SPRYD3: variants seen among roughly 807,000 people sequenced by gnomAD.
SPRYD3 encodes SPRY domain containing 3.
A neutral mutation model predicts 50.1 loss-of-function variants in SPRYD3; 17 were observed. The ratio of observed to expected loss-of-function variants is 0.34; its 90% CI spans 0.23 to 0.51. The LOEUF (loss-of-function observed/expected upper bound fraction) is 0.51. SPRYD3 is among the 20% of genes least tolerant of loss of function. The pLI, the probability that SPRYD3 is intolerant of heterozygous loss-of-function variation, is 0.97. For missense variants in SPRYD3, 401 were observed against 591.2 expected (o/e 0.68, Z 3.34); for synonymous variants, 198 against 215.5 (o/e 0.92, Z 0.71).
rs1321302826 is a variant in SPRYD3 at position 53,068,152 on chromosome 12, C to T, written c.843+3G>A. On this transcript the variant is annotated splice_donor_region_variant and intron_variant, in intron 7 of 10. Coordinates refer to ENST00000301463, the MANE Select transcript of SPRYD3 (RefSeq NM_032840.3). ...AGCAAAAAAGCTCAGCCTTTGTGCC[C>T]ACCTTCCGTGCCAGCCCCAGGGCGA... The T allele has an allele frequency of 6.2e-7, 1 of 1,614,208 alleles. No homozygotes were observed. The highest frequency in any genetic ancestry group is 1.1e-5 in the South Asian group (1 of 91,088).
Position 53,068,426 on chromosome 12 carries a change from A to G in SPRYD3, c.694-122T>C, listed in dbSNP as rs1944525849. ...GACAAAAACTCCTGGCTGAAAGGGAAAGAATCCTAGAGATACAATGTGGCC... is the reference window on the plus strand; with the variant it reads ...GACAAAAACTCCTGGCTGAAAGGGAGAGAATCCTAGAGATACAATGTGGCC... On this transcript the variant is annotated intron_variant, in intron 6 of 10. Coordinates refer to ENST00000301463, the MANE Select transcript of SPRYD3 (RefSeq NM_032840.3). 9.1e-6 allele frequency: 11 copies of G among 1,204,450 alleles called. No individual in the cohort carries two copies. The South Asian group carries it at 1.5e-4, about 17-fold the overall frequency. 74.6% of individuals were successfully genotyped at this position (1,204,450 alleles called of 1,614,324 possible). A position where few individuals can be genotyped will look rare whatever the true frequency, so the allele number is the denominator to read the frequency against.
chr12:53,074,625 A>T lies in SPRYD3; in HGVS notation c.507+24T>A, dbSNP rs1268148409. Reference sequence around the variant, plus strand: ...CCTTGGGCAGATTTCAGCCACGTAAATCCCACCACTATTTCCCACTCACCC... The same window carrying T: ...CCTTGGGCAGATTTCAGCCACGTAATTCCCACCACTATTTCCCACTCACCC... On this transcript the variant is annotated intron_variant, in intron 5 of 10. Coordinates refer to ENST00000301463, the MANE Select transcript of SPRYD3 (RefSeq NM_032840.3). This position sits in a 1 kb window ranked among gnomAD's most constrained non-coding sequence, Gnocchi z 4.6. 3.1e-6 allele frequency: 5 copies of T among 1,614,196 alleles called. No individual in the cohort carries two copies. In the East Asian group the frequency reaches 1.1e-4, roughly 36 times the overall value.
In SPRYD3 at chr12:53,074,737, T is replaced by C. The variant is rs1437085156; in HGVS notation, c.419A>G (p.Asn140Ser). The C allele has an allele frequency of 1.2e-6, 2 of 1,614,180 alleles. No individual in the cohort carries two copies. The highest frequency in any genetic ancestry group is 3.3e-5 in the Admixed American group (2 of 60,020). Residue 140 changes from asparagine to serine, a missense_variant, in exon 5 of 11, where the codon AAC becomes AGC. Transcript: ENST00000301463. The surrounding 1 kb of genome is among the most constrained non-coding windows in gnomAD (Gnocchi z 4.6). Reference protein sequence around the residue: ...AKGRQFGSKCNSGDRIGCGIE... With the variant: ...AKGRQFGSKCSSGDRIGCGIE... ...GCCACAGCCAATCCGGTCCCCGGAG[T>C]TGCACTTTGACCCAAACTGGCGGCC...
In SPRYD3 at chr12:53,076,135, C is replaced by T. The variant is rs536297378; in HGVS notation, c.171-324G>A. ...TGTGTAACCTCAATCTCTCATGCTG[C>T]AGCTTCAGCCCTTTTCCTCTGGCTC... On this transcript the variant is annotated intron_variant, in intron 2 of 10. Transcript: ENST00000301463. Among the ~76,000 whole-genome samples, 31 of 152,366 alleles carry T rather than the reference C, an allele frequency of 2.0e-4. No homozygotes were observed. The South Asian group carries it at 2.5e-3, about 12-fold the overall frequency.
chr12:53,075,830 G>A lies in SPRYD3; in HGVS notation c.171-19C>T, dbSNP rs748437217. The A allele has an allele frequency of 1.1e-5, 17 of 1,608,720 alleles. No individual in the cohort carries two copies. In the South Asian group the frequency reaches 1.8e-4, roughly 17 times the overall value. On this transcript the variant is annotated intron_variant, in intron 2 of 10. Transcript: ENST00000301463. ...ATGATAACTGAAGGAGGAATGAGGG[G>A]GGAATTCCATTAGCAGCCTAGCCCA...
In SPRYD3 at chr12:53,079,317, C is replaced by T; in HGVS notation, c.17G>A (p.Arg6Gln). Residue 6 changes from arginine (R) to glutamine (Q), a missense_variant, in exon 1 of 11, where the codon CGG (arginine) becomes CAG (glutamine). Coordinates refer to ENST00000301463, the MANE Select transcript of SPRYD3 (RefSeq NM_032840.3). Reference protein sequence around the residue: MRRTRRPRFVLMNKMD... With the variant: MRRTRQPRFVLMNKMD... The stretch of plus-strand genomic sequence containing the variant: ...GCCCCCGATCCCCGCCTACCGGGGC[C>T]GCCGCGTCCTCCTCATCCATAGGCC... 6.2e-7 allele frequency: 1 copy of T among 1,608,320 alleles called. No individual in the cohort carries two copies. Among genetic ancestry groups the T allele is most frequent in the African/African-American group, 1.3e-5 (1 of 74,788 alleles).
In SPRYD3 at chr12:53,066,086, C is replaced by T. The variant is rs567886831; in HGVS notation, c.1195-120G>A. 6.9e-5 allele frequency: 98 copies of T among 1,418,366 alleles called. No homozygotes were observed. The African/African-American group carries it at 1.3e-3, about 19-fold the overall frequency. The allele number at this position is 1,418,366 out of a possible 1,614,324, so 87.9% of individuals were successfully genotyped here. A position where few individuals can be genotyped will look rare whatever the true frequency, so the allele number is the denominator to read the frequency against. On this transcript the variant is annotated intron_variant, in intron 10 of 10. Transcript: ENST00000301463. The stretch of plus-strand genomic sequence containing the variant: ...AGCTTCCAGCGGGGCTGGAGAGGGG[C>T]AGTTAAGGTGTTATGGGAAGTGACC...
intron 6 of SPRYD3, among the ~76,000 whole-genome samples, chr12:53,071,236 C>A (rs1307901139): frequency 6.6e-6 from 1 of 152,182 alleles, no homozygotes; most frequent in Non-Finnish European, 1.5e-5. Flanking sequence ...CTGGGGAGGA[C>A]CCCTGGGAGG....
At chr12:53,075,286 G>A (rs565590125) in intron 3 of SPRYD3, 67 bp from the exon 4 acceptor site, 14 of 1,543,438 alleles carry the variant, frequency 9.1e-6, no homozygotes, top group East Asian at 2.3e-5. Flanking sequence ...GGGGGTGGGG[G>A]AAGGGGACTT....
In SPRYD3 at chr12:53,075,727, C is replaced by T. The variant is rs1010584063; in HGVS notation, c.246+9G>A. ...ACCCCCTGCTCTGCCCACCCACTGC[C>T]TTGATCACCTCAAAATAATTGCTGT... On this transcript the variant is annotated intron_variant, in intron 3 of 10. Transcript: ENST00000301463. 6.2e-7 allele frequency: 1 copy of T among 1,612,778 alleles called. No individual in the cohort carries two copies. The highest frequency in any genetic ancestry group is 8.5e-7 in the Non-Finnish European group (1 of 1,178,856).
At position 53,072,885 on chromosome 12, in the gene SPRYD3, T is replaced by G. The variant is rs79778823; in HGVS notation, c.693+401A>C. ...ACCTTCCACCACATGTGTGGACTTC[T>G]GACCACACCTGCCCCACAACACTTT... On this transcript the variant is annotated intron_variant, in intron 6 of 10. Coordinates refer to ENST00000301463, the MANE Select transcript of SPRYD3 (RefSeq NM_032840.3). 1.3e-3 allele frequency among the ~76,000 whole-genome samples: 200 copies of G among 152,348 alleles called. 3 individuals carry two copies. In the Middle Eastern group the frequency reaches 0.014, roughly 10 times the overall value.
intron 6 of SPRYD3, among the ~76,000 whole-genome samples, chr12:53,071,236 C>T (rs1307901139): frequency 6.6e-6 from 1 of 152,182 alleles, no homozygotes; most frequent in Non-Finnish European, 1.5e-5. Flanking sequence ...CTGGGGAGGA[C>T]CCCTGGGAGG....
intron 1 of SPRYD3, among the ~76,000 whole-genome samples, chr12:53,078,360 G>A (rs1329774363): frequency 1.3e-5 from 2 of 151,576 alleles, no homozygotes; most frequent in Non-Finnish European, 2.9e-5. Flanking sequence ...GTGGTGGTGC[G>A]CACCTGTAAT....
Position 53,075,740 on chromosome 12 carries a change from A to G in SPRYD3, c.242T>C (p.Phe81Ser). ...SRPLTKDSNY[F>S]EVSIVDSGVR... ...CCCACCCACTGCCTTGATCACCTCA[A>G]AATAATTGCTGTCCTTGGTCAGGGG... Residue 81 changes from phenylalanine to serine, a missense_variant, in exon 3 of 11, where the codon TTT (phenylalanine) becomes TCT (serine). Transcript: ENST00000301463. The G allele has an allele frequency of 6.2e-7, 1 of 1,613,818 alleles. No homozygotes were observed. The highest frequency in any genetic ancestry group is 8.5e-7 in the Non-Finnish European group (1 of 1,179,730).
chr12:53,075,445 G>A (rs1020489990), intron 3 of SPRYD3, among the ~76,000 whole-genome samples: 4 of 152,160 alleles, frequency 2.6e-5, no homozygotes, highest in African/African-American at 4.8e-5. Context: ...TAGGACTCAC[G>A]TCCCTATATG....
Position 53,066,679 on chromosome 12 carries a change from G to T in SPRYD3, c.915C>A (p.Ile305=), listed in dbSNP as rs1452870477. 4 of 1,611,064 alleles carry T rather than the reference G, an allele frequency of 2.5e-6. No homozygotes were observed. The African/African-American group carries it at 5.3e-5, about 22-fold the overall frequency. The change falls in exon 9 of 11, where the codon ATC becomes ATA. Residue 305 remains isoleucine, a synonymous_variant. Transcript: ENST00000301463. The stretch of plus-strand genomic sequence containing the variant: ...GGTCCCCCACACCACTGCCATGGAA[G>T]ATCTTCCCATCGTCTGTTGGAGGGA... ...SVAYHADDGK[I]FHGSGVGDPF... is the part of the protein sequence containing the mutation.
At chr12:53,073,251 A>G in intron 6 of SPRYD3, 35 bp downstream of exon 6, 1 of 483,914 alleles carries the variant, frequency 2.1e-6, no homozygotes, top group Non-Finnish European at 3.9e-6. Context: ...GCCTCCTCCG[A>G]CCCAGCCCCT....
chr12:53,066,344 T>A lies in SPRYD3; in HGVS notation c.1164A>T (p.Ile388=), dbSNP rs778052180. The change falls in exon 10 of 11, where the codon ATA becomes ATT. Residue 388 remains isoleucine (I), a synonymous_variant. Coordinates refer to ENST00000301463, the MANE Select transcript of SPRYD3 (RefSeq NM_032840.3). ...CCTTCCTGCCCTCATGCTCCGGCTCTATCTCTTCCCCATCCTCTTCCTCTT... is the reference window on the plus strand; with the variant it reads ...CCTTCCTGCCCTCATGCTCCGGCTCAATCTCTTCCCCATCCTCTTCCTCTT... ...EEEEEEDGEE[I]EPEHEGRKVV... 8.1e-6 allele frequency: 13 copies of A among 1,614,092 alleles called. No homozygotes were observed. Among genetic ancestry groups the A allele is most frequent in the South Asian group, 3.3e-5 (3 of 91,072 alleles).
chr12:53,078,066 G>A (rs1208007373), intron 1 of SPRYD3: 4 of 451,772 alleles, frequency 8.9e-6, no homozygotes, highest in Non-Finnish European at 1.8e-5. Context: ...TGCACCTGTA[G>A]TCCCAGCTAC....
Sources: gnomAD v4.1 joint callset for allele counts (sites outside exome capture counted in the v4.1 genomes callset) on GRCh38, gnomAD v4.1.1 for gene constraint, Gnocchi (gnomAD v3.1) non-coding constraint, MANE v1.5 for transcripts, NCBI Gene and HGNC (gene_info 2026-07-23, HGNC 2026-07-21) for gene names.